ACBD6: variants seen among roughly 807,000 people sequenced by gnomAD.
ACBD6 encodes acyl-CoA-binding domain-containing protein 6.
ACBD6 carries 28 observed loss-of-function variants against 37.2 expected under a neutral mutation model. That is an observed-to-expected ratio of 0.75 (90% confidence interval 0.56 to 1.03). The LOEUF (loss-of-function observed/expected upper bound fraction) is 1.03, where lower values mean the gene tolerates loss of function less well. Among genes scored for constraint, ACBD6 ranks in the 50% least tolerant of loss-of-function variants. The pLI, the probability that ACBD6 is intolerant of heterozygous loss-of-function variation, is 0.00. For synonymous variants in ACBD6, 113 were observed against 126.8 expected, an observed-to-expected ratio of 0.89 and a Z score of 0.73; for missense variants, 340 against 337.4, an observed-to-expected ratio of 1.01 and a Z score of -0.06.
At chr1:180,489,153 G>C (rs921683619) in intron 3 of ACBD6, among the ~76,000 whole-genome samples, 1 of 151,774 alleles carries the variant, frequency 6.6e-6, no homozygotes, top group Non-Finnish European at 1.5e-5. Flanking sequence ...GTGACAGAGA[G>C]AGACTCCATC....
intron 3 of ACBD6, among the ~76,000 whole-genome samples, chr1:180,483,681 T>C (rs1327013735): frequency 1.3e-5 from 2 of 152,176 alleles, no homozygotes. Context: ...TAGGATACAA[T>C]TATATATGCA....
intron 7 of ACBD6, among the ~76,000 whole-genome samples, chr1:180,312,055 AT>A (rs1388286463): frequency 1.1e-4 from 16 of 152,178 alleles, no homozygotes; most frequent in African/African-American, 3.9e-4. Context: ...ATTGCCTTAG[AT>A]ATTCCTGGCT....
chr1:180,465,490 T>C (rs1440791849), intron 3 of ACBD6, among the ~76,000 whole-genome samples: 1 of 152,072 alleles, frequency 6.6e-6, no homozygotes, highest in Non-Finnish European at 1.5e-5. Context: ...AACATGACCA[T>C]TATGAAAAAC....
intron 6 of ACBD6, among the ~76,000 whole-genome samples, chr1:180,330,094 T>C (rs908528046): frequency 6.6e-6 from 1 of 151,982 alleles, no homozygotes; most frequent in Non-Finnish European, 1.5e-5. Flanking sequence ...TCTTATTAGG[T>C]GTAAGCAATA....
intron 1 of ACBD6, among the ~76,000 whole-genome samples, chr1:180,498,790 G>A (rs1388727365): frequency 9.9e-5 from 15 of 151,922 alleles, no homozygotes; most frequent in South Asian, 2.1e-4. Flanking sequence ...CCTAGGAGGC[G>A]GAGGTTGTAG....
intron 3 of ACBD6, among the ~76,000 whole-genome samples, chr1:180,440,293 G>C (rs1052592735): frequency 1.3e-5 from 2 of 151,974 alleles, no homozygotes; most frequent in African/African-American, 4.8e-5. Context: ...ATTTTTAGTA[G>C]AGATGGGGTT....
At position 180,349,345 on chromosome 1, in the gene ACBD6, T is replaced by A. The variant is rs1652316667; in HGVS notation, c.664-34623A>T. Among the ~76,000 whole-genome samples the A allele has an allele frequency of 1.3e-5, 2 of 151,372 alleles. 1 individual carries two copies. The highest frequency in any genetic ancestry group is 4.1e-4 in the South Asian group (2 of 4,822). ...ATCTCGGCTCACTGCAAGCTCCGCC[T>A]CCCAGGTTCACGCCATTCTCCTGCC... On this transcript the variant is annotated intron_variant, in intron 6 of 7. Coordinates refer to ENST00000367595, the MANE Select transcript of ACBD6 (RefSeq NM_032360.4).
At chr1:180,400,802 CTT>C (rs1647318833) in intron 5 of ACBD6, among the ~76,000 whole-genome samples, 1 of 152,128 alleles carries the variant, frequency 6.6e-6, no homozygotes, top group Non-Finnish European at 1.5e-5. Flanking sequence ...TTTCCTTTCT[CTT>C]TGTTAACCAC....
chr1:180,447,061 C>T (rs981628972), intron 3 of ACBD6, among the ~76,000 whole-genome samples: 1 of 151,838 alleles, frequency 6.6e-6, no homozygotes, highest in African/African-American at 2.4e-5. Flanking sequence ...ACAAAAAAAC[C>T]CAGACATTTA....
intron 3 of ACBD6, among the ~76,000 whole-genome samples, chr1:180,477,467 G>A (rs1650843195): frequency 6.6e-6 from 1 of 152,106 alleles, no homozygotes; most frequent in Non-Finnish European, 1.5e-5. Flanking sequence ...ATGCTTTTCT[G>A]TACTGAAAAT....
intron 3 of ACBD6, chr1:180,435,362 C>T: frequency 2.4e-6 from 1 of 408,714 alleles, no homozygotes; most frequent in Non-Finnish European, 4.5e-6. Context: ...CATTCTCCTG[C>T]CTCAGCCTCC....
intron 1 of ACBD6, 49 bp downstream of exon 1, chr1:180,501,996 G>A: frequency 1.3e-6 from 2 of 1,578,578 alleles, no homozygotes; most frequent in Non-Finnish European, 1.7e-6. Context: ...TGTTGAGGAA[G>A]AAGGCTCCGT....
At chr1:180,437,175 T>C (rs540670649) in intron 3 of ACBD6, among the ~76,000 whole-genome samples, 1 of 152,172 alleles carries the variant, frequency 6.6e-6, no homozygotes, top group Admixed American at 6.5e-5. Flanking sequence ...ACATCCTTTA[T>C]AATAAACTGG....
At chr1:180,435,415 A>ATTTTT in intron 3 of ACBD6, 1 of 294,432 alleles carries the variant, frequency 3.4e-6, no homozygotes, top group Non-Finnish European at 6.3e-6. Flanking sequence ...CGCCTGGCTA[A>ATTTTT]TTTTTTTTTT....
At chr1:180,397,811 G>A (rs569360189) in intron 5 of ACBD6, among the ~76,000 whole-genome samples, 26 of 152,280 alleles carry the variant, frequency 1.7e-4, no homozygotes, top group African/African-American at 6.3e-4. Flanking sequence ...CCAGCACTTT[G>A]AAAGGCCGAG....
At position 180,318,384 on chromosome 1, in the gene ACBD6, A is replaced by AG. The variant is rs1259046723; in HGVS notation, c.664-3663dup. 4.9e-4 allele frequency among the ~76,000 whole-genome samples: 75 copies of AG among 151,948 alleles called. 1 individual carries two copies. Among genetic ancestry groups the AG allele is most frequent in the Non-Finnish European group, 1.3e-4 (9 of 67,998 alleles). On this transcript the variant is annotated intron_variant, in intron 6 of 7. Transcript: ENST00000367595. Reference sequence around the variant, plus strand: ...ATATTTCTTTTATTTGAACTGAGGGAGGGGAAGCAGAGTGATGTTTGTTGT... The same window carrying AG: ...ATATTTCTTTTATTTGAACTGAGGGAGGGGGAAGCAGAGTGATGTTTGTTGT...
intron 3 of ACBD6, among the ~76,000 whole-genome samples, chr1:180,448,215 C>A (rs1002388909): frequency 6.6e-6 from 1 of 152,090 alleles, no homozygotes; most frequent in Non-Finnish European, 1.5e-5. Context: ...CCTACCAAGA[C>A]CCATACAAAT....
At chr1:180,316,627 T>C (rs1022752804) in intron 6 of ACBD6, among the ~76,000 whole-genome samples, 6 of 152,212 alleles carry the variant, frequency 3.9e-5, no homozygotes, top group Admixed American at 1.3e-4. Flanking sequence ...ATCTTGACTA[T>C]GGAGGTGGAA....
At position 180,289,649 on chromosome 1, in the gene ACBD6, C is replaced by T. The variant is rs1272597775; in HGVS notation, c.695-1132G>A. On this transcript the variant is annotated intron_variant, in intron 7 of 7. Transcript: ENST00000367595. The stretch of plus-strand genomic sequence containing the variant: ...TTTGCAAGCATGTACACAGCAGACC[C>T]CAAATGTAAACAGCCCAAACGCTCA... 1.2e-4 allele frequency among the ~76,000 whole-genome samples: 18 copies of T among 152,066 alleles called. 1 individual carries two copies. The highest frequency in any genetic ancestry group is 1.2e-3 in the Admixed American group (18 of 15,274).
Sources: gnomAD v4.1 joint callset for allele counts (sites outside exome capture counted in the v4.1 genomes callset) on GRCh38, gnomAD v4.1.1 for gene constraint, MANE v1.5 for transcripts, NCBI Gene and HGNC (gene_info 2026-07-23, HGNC 2026-07-21) for gene names.